PRR16: variants seen among roughly 807,000 people sequenced by gnomAD.
PRR16 encodes proline rich 16.
PRR16 carries 6 observed loss-of-function variants against 18.2 expected under a neutral mutation model. The ratio of observed to expected loss-of-function variants is 0.33; its 90% confidence interval spans 0.18 to 0.65. The LOEUF is 0.65. Among genes scored for constraint, PRR16 ranks in the 30% least tolerant of loss-of-function variants. PRR16 has a pLI of 0.74. For missense variants in PRR16, 412 were observed against 376.6 expected (o/e 1.09, Z -0.78); for synonymous variants, 151 against 147.8 (o/e 1.02, Z -0.16).
the PRR16 span, among the ~76,000 whole-genome samples, chr5:120,754,536 T>C: frequency 2.1e-5 from 2 of 93,352 alleles, no homozygotes; most frequent in East Asian, 3.0e-4. Context: ...TATATAATTA[T>C]ATGTAATTAT....
intron 1 of PRR16, among the ~76,000 whole-genome samples, chr5:120,550,211 C>G (rs1485656169): frequency 6.6e-6 from 1 of 151,996 alleles, no homozygotes; most frequent in East Asian, 1.9e-4. Flanking sequence ...AATAACCACT[C>G]TAAATATGAA....
chr5:120,598,087 T>TA (rs34892448), intron 1 of PRR16, among the ~76,000 whole-genome samples: 3 of 151,878 alleles, frequency 2.0e-5, no homozygotes, highest in Non-Finnish European at 4.4e-5. Context: ...ACCTCATCAT[T>TA]AAAAAATACT....
At chr5:120,548,690 A>G (rs927998409) in intron 1 of PRR16, among the ~76,000 whole-genome samples, 3 of 144,540 alleles carry the variant, frequency 2.1e-5, no homozygotes, top group Non-Finnish European at 3.1e-5. Context: ...AGAACTGGAA[A>G]TAAATTAGGG....
At chr5:120,663,465 A>T (rs1580849543) in intron 1 of PRR16, among the ~76,000 whole-genome samples, 2 of 150,574 alleles carry the variant, frequency 1.3e-5, no homozygotes, top group South Asian at 4.2e-4. Flanking sequence ...AAGAAAAAAA[A>T]TTATAAGTCA....
the PRR16 span, among the ~76,000 whole-genome samples, chr5:120,754,160 T>TATATAA: frequency 3.3e-3 from 227 of 68,682 alleles, 3 homozygotes; most frequent in African/African-American, 0.013. Context: ...ATAAATATGA[T>TATATAA]ATATAAATAT....
At chr5:120,757,748 ATG>A in the PRR16 span, among the ~76,000 whole-genome samples, 1 of 152,092 alleles carries the variant, frequency 6.6e-6, no homozygotes, top group African/African-American at 2.4e-5. Flanking sequence ...TGAATTGGCG[ATG>A]TGTAACTAAT....
the PRR16 span, among the ~76,000 whole-genome samples, chr5:120,712,333 A>G: frequency 6.6e-6 from 1 of 152,122 alleles, no homozygotes; most frequent in African/African-American, 2.4e-5. Flanking sequence ...AGATCTCTAG[A>G]CTTATTTATT....
At chr5:120,485,516 A>G (rs1176894195) in intron 1 of PRR16, among the ~76,000 whole-genome samples, 1 of 152,204 alleles carries the variant, frequency 6.6e-6, no homozygotes, top group Non-Finnish European at 1.5e-5. Flanking sequence ...CTTGCAATGT[A>G]TTTGCTGAAG....
At chr5:120,758,534 A>C in the PRR16 span, among the ~76,000 whole-genome samples, 2 of 151,918 alleles carry the variant, frequency 1.3e-5, no homozygotes, top group African/African-American at 2.4e-5. Flanking sequence ...CGCATATTGA[A>C]GGGGGGATCT....
chr5:120,536,277 G>A (rs76498130), intron 1 of PRR16, among the ~76,000 whole-genome samples: 4,952 of 152,156 alleles, frequency 0.033, 99 homozygotes, highest in Non-Finnish European at 0.044. Flanking sequence ...CCATAATGCT[G>A]GGACTCTAGC....
chr5:120,615,870 G>T (rs1754494117), intron 1 of PRR16, among the ~76,000 whole-genome samples: 1 of 152,076 alleles, frequency 6.6e-6, no homozygotes, highest in Non-Finnish European at 1.5e-5. Flanking sequence ...CACATACTCA[G>T]TTCCCAGTGA....
At chr5:120,482,155 T>G (rs2112811879) in intron 1 of PRR16, among the ~76,000 whole-genome samples, 1 of 152,330 alleles carries the variant, frequency 6.6e-6, no homozygotes, top group African/African-American at 2.4e-5. Flanking sequence ...TATTTTACAT[T>G]CAGGGGGTAC....
intron 1 of PRR16, among the ~76,000 whole-genome samples, chr5:120,524,873 G>T (rs1218612712): frequency 6.6e-6 from 1 of 152,034 alleles, no homozygotes; most frequent in Non-Finnish European, 1.5e-5. Context: ...TTGAACATTT[G>T]AAATGGCTGG....
At chr5:120,487,205 G>A (rs979438294) in intron 1 of PRR16, among the ~76,000 whole-genome samples, 1 of 152,196 alleles carries the variant, frequency 6.6e-6, no homozygotes, top group African/African-American at 2.4e-5. Context: ...TAGCTTGATA[G>A]GGATGGCATT....
At chr5:120,475,486 T>C (rs1749412209) in intron 1 of PRR16, among the ~76,000 whole-genome samples, 1 of 152,134 alleles carries the variant, frequency 6.6e-6, no homozygotes, top group South Asian at 2.1e-4. Flanking sequence ...TAAATTTTTT[T>C]TGACACTTTG....
chr5:120,595,752 A>G (rs192066201), intron 1 of PRR16, among the ~76,000 whole-genome samples: 3 of 152,092 alleles, frequency 2.0e-5, no homozygotes, highest in Non-Finnish European at 2.9e-5. Flanking sequence ...TGATGTTCTT[A>G]TGATTCTCCT....
chr5:120,597,949 A>G (rs1298955806), intron 1 of PRR16, among the ~76,000 whole-genome samples: 3 of 151,840 alleles, frequency 2.0e-5, no homozygotes, highest in Admixed American at 6.6e-5. Context: ...TGTTGCTATA[A>G]TATGGAGGTC....
chr5:120,531,072 C>T (rs1248618569), intron 1 of PRR16, among the ~76,000 whole-genome samples: 1 of 152,176 alleles, frequency 6.6e-6, no homozygotes, highest in African/African-American at 2.4e-5. Context: ...ATTCTCATTG[C>T]TTAGCTTAAC....
chr5:120,756,031 A>G, the PRR16 span, among the ~76,000 whole-genome samples: 33 of 152,086 alleles, frequency 2.2e-4, no homozygotes, highest in Non-Finnish European at 4.6e-4. Context: ...AACTAGTCTG[A>G]TTGGTTGTGG....
Sources: gnomAD v4.1 joint callset for allele counts (sites outside exome capture counted in the v4.1 genomes callset) on GRCh38, gnomAD v4.1.1 for gene constraint, MANE v1.5 for transcripts, NCBI Gene and HGNC (gene_info 2026-07-23, HGNC 2026-07-21) for gene names.